Variants in TYW5 observed in about 807,000 individuals in gnomAD.
TYW5 encodes tRNA-yW synthesizing protein 5.
A neutral mutation model predicts 44.4 loss-of-function variants in TYW5; 36 were observed. That is an observed-to-expected ratio of 0.81 (90% CI 0.62 to 1.07). The LOEUF is 1.07. TYW5 is among the 50% of genes least tolerant of loss of function. TYW5 has a pLI of 0.00. For missense variants in TYW5, 354 were observed against 365.7 expected, an observed-to-expected ratio of 0.97 and a Z score of 0.26; for synonymous variants, 121 against 128.1, an observed-to-expected ratio of 0.94 and a Z score of 0.37.
intron 1 of TYW5, among the ~76,000 whole-genome samples, chr2:199,953,996 G>A (rs913209798): frequency 1.3e-5 from 2 of 152,098 alleles, no homozygotes; most frequent in African/African-American, 4.8e-5. Flanking sequence ...GACAGGGAGA[G>A]CAAGAACAAC....
intron 6 of TYW5, 133 bp from the exon 7 acceptor site, chr2:199,936,180 T>A: frequency 1.4e-6 from 1 of 697,656 alleles, no homozygotes; most frequent in Non-Finnish European, 2.5e-6. Flanking sequence ...TGAGAATTAC[T>A]ATGCTACTGA....
intron 5 of TYW5, among the ~76,000 whole-genome samples, 175 bp downstream of exon 5, chr2:199,938,758 A>G (rs892014361): frequency 6.6e-6 from 1 of 152,262 alleles, no homozygotes; most frequent in Non-Finnish European, 1.5e-5. Flanking sequence ...CTTTGCCATT[A>G]GCAAAATAAT....
At chr2:199,936,594 G>A in intron 5 of TYW5, 102 bp from the exon 6 acceptor site, 1 of 900,912 alleles carries the variant, frequency 1.1e-6, no homozygotes, top group Non-Finnish European at 1.7e-6. Context: ...CCTTTAATGA[G>A]ACTTGACTTA....
At chr2:199,935,691 T>C (rs956619985) in intron 7 of TYW5, among the ~76,000 whole-genome samples, 7 of 148,872 alleles carry the variant, frequency 4.7e-5, no homozygotes, top group Non-Finnish European at 1.5e-5. Flanking sequence ...GCTGTTAACT[T>C]ATAATAAGTT....
At chr2:199,946,686 T>A (rs891817851) in intron 2 of TYW5, 1 of 152,202 alleles carries the variant, frequency 6.6e-6, no homozygotes, top group Non-Finnish European at 1.5e-5. Context: ...TACATGTGTG[T>A]GCAGGGTTTC....
rs140848430 is a variant in TYW5, at chr2:199,948,332, C to G, written c.219G>C (p.Lys73Asn). 1.2e-6 allele frequency: 2 copies of G among 1,614,134 alleles called. No homozygotes were observed. Among genetic ancestry groups the G allele is most frequent in the African/African-American group, 2.7e-5 (2 of 75,054 alleles). Reference protein sequence around the residue: ...AAVAQMDFISKNFVYRTLPFD... With the variant: ...AAVAQMDFISNNFVYRTLPFD... ...GAAGAAAATACCTATATACAAAGTT[C>G]TTACTAATGAAGTCCATCTGTGCAA... The change falls in exon 2 of 8, where the codon AAG becomes AAC. Residue 73 changes from lysine (K) to asparagine (N), a missense_variant. Coordinates refer to ENST00000354611, the MANE Select transcript of TYW5 (RefSeq NM_001039693.3).
At chr2:199,948,497 C>T in intron 1 of TYW5, 25 bp from the exon 2 acceptor site, 2 of 1,612,744 alleles carry the variant, frequency 1.2e-6, no homozygotes, top group East Asian at 4.5e-5. Flanking sequence ...AGAAATACAA[C>T]AAAATTCATG....
intron 3 of TYW5, 134 bp from the exon 4 acceptor site, chr2:199,940,267 GA>G (rs1412197609): frequency 8.1e-6 from 6 of 745,318 alleles, no homozygotes; most frequent in Non-Finnish European, 1.1e-5. Flanking sequence ...GAGAACTACG[GA>G]AAAAAATAAA....
chr2:199,930,147 C>G lies in TYW5; in HGVS notation c.*2920G>C, dbSNP rs281763. 6.6e-6 allele frequency: 1 copy of G among 151,878 alleles called. No homozygotes were observed. The highest frequency in any genetic ancestry group is 2.4e-5 in the African/African-American group (1 of 41,262). The allele number at this position is 151,878 out of a possible 1,614,324, so 9.4% of individuals were successfully genotyped here. ...CACACCACCACAGCCAGCTAATTCT[C>G]TGTATTTTTGGTAGAGACAAGGTTT... On this transcript the variant is annotated 3_prime_UTR_variant, in exon 8 of 8. Coordinates refer to ENST00000354611, the MANE Select transcript of TYW5 (RefSeq NM_001039693.3).
At chr2:199,945,002 T>G (rs1341919843) in intron 2 of TYW5, 2 of 152,174 alleles carry the variant, frequency 1.3e-5, no homozygotes, top group African/African-American at 4.8e-5. Flanking sequence ...ATGAATTATG[T>G]TTGCACCAGG....
In TYW5 at chr2:199,939,004, T is replaced by C. The variant is rs1202550396; in HGVS notation, c.415A>G (p.Lys139Glu). 6.2e-7 allele frequency: 1 copy of C among 1,613,784 alleles called. No homozygotes were observed. Among genetic ancestry groups the C allele is most frequent in the Non-Finnish European group, 8.5e-7 (1 of 1,179,848 alleles). Residue 139 changes from lysine (K) to glutamate (E), a missense_variant, in exon 5 of 8, where the codon AAA (lysine) becomes GAA (glutamate). Lys to Glu is a moderately conservative substitution (Grantham distance 56). Coordinates refer to ENST00000354611, the MANE Select transcript of TYW5 (RefSeq NM_001039693.3). ...KGDIKFPEFF[K>E]EEQFFSSVFR... ...ACACTGGAAAAGAACTGTTCCTCTT[T>C]GAAGAATTCTGGAAACTTAATATCT...
chr2:199,948,069 G>A, intron 2 of TYW5: 1 of 357,790 alleles, frequency 2.8e-6, no homozygotes, highest in Non-Finnish European at 5.1e-6. Context: ...TCCAGCCTGG[G>A]TGGCGCAGTA....
chr2:199,949,160 G>A (rs2077525696), intron 1 of TYW5, among the ~76,000 whole-genome samples: 2 of 151,982 alleles, frequency 1.3e-5, no homozygotes, highest in Admixed American at 6.5e-5. Context: ...TTGGAGACCA[G>A]CTTGGGCAAC....
At position 199,929,590 on chromosome 2, in the gene TYW5, T is replaced by G. The variant is rs2077358107; in HGVS notation, c.*3477A>C. The stretch of plus-strand genomic sequence containing the variant: ...TTTTTTTTTGTCAACTCCTTTGATG[T>G]CTGTTGGCAACTTTTTATAGGTGAT... On this transcript the variant is annotated 3_prime_UTR_variant, in exon 8 of 8. Transcript: ENST00000354611. 6.7e-6 allele frequency among the ~76,000 whole-genome samples: 1 copy of G among 150,318 alleles called. No individual in the cohort carries two copies. The highest frequency in any genetic ancestry group is 1.5e-5 in the Non-Finnish European group (1 of 67,742).
chr2:199,951,874 G>T (rs62180463), intron 1 of TYW5, among the ~76,000 whole-genome samples: 3 of 151,986 alleles, frequency 2.0e-5, no homozygotes, highest in Non-Finnish European at 4.4e-5. Context: ...AAAATTAGCC[G>T]GGTGTGGTGG....
intron 3 of TYW5, among the ~76,000 whole-genome samples, chr2:199,940,552 A>G (rs1407157694): frequency 6.6e-6 from 1 of 151,898 alleles, no homozygotes; most frequent in Non-Finnish European, 1.5e-5. Context: ...CTGAGGCTGC[A>G]GTGAGCTATG....
chr2:199,952,471 A>G (rs1400441827), intron 1 of TYW5, among the ~76,000 whole-genome samples: 2 of 152,124 alleles, frequency 1.3e-5, no homozygotes, highest in East Asian at 1.9e-4. Context: ...GGCCATTTTA[A>G]TGTTTTTTCC....
chr2:199,940,413 G>A (rs1423023313), intron 3 of TYW5, among the ~76,000 whole-genome samples: 1 of 152,062 alleles, frequency 6.6e-6, no homozygotes, highest in Non-Finnish European at 1.5e-5. Flanking sequence ...AGTACTCTGG[G>A]AGGCCAGGGC....
rs1225576620 is a variant in TYW5 at position 199,930,820 on chromosome 2, C to T, written c.*2247G>A. Reference sequence around the variant, plus strand: ...GAATCCCGGTTTCTATCACCCATAGCTATGTGAACCCAGACAATCATTAAG... The same window carrying T: ...GAATCCCGGTTTCTATCACCCATAGTTATGTGAACCCAGACAATCATTAAG... On this transcript the variant is annotated 3_prime_UTR_variant, in exon 8 of 8. Transcript: ENST00000354611. The T allele has an allele frequency of 6.6e-6, 1 of 152,110 alleles. No homozygotes were observed. Among genetic ancestry groups the T allele is most frequent in the Middle Eastern group, 3.2e-3 (1 of 316 alleles). The allele number at this position is 152,110 out of a possible 1,614,324, so 9.4% of individuals were successfully genotyped here. A position where few individuals can be genotyped will look rare whatever the true frequency, so the allele number is the denominator to read the frequency against.
Sources: gnomAD v4.1 joint callset for allele counts (sites outside exome capture counted in the v4.1 genomes callset) on GRCh38, gnomAD v4.1.1 for gene constraint, MANE v1.5 for transcripts, NCBI Gene and HGNC (gene_info 2026-07-23, HGNC 2026-07-21) for gene names.